FAM171A1: variants seen among roughly 807,000 people sequenced by gnomAD.
FAM171A1 encodes the protein family with sequence similarity 171 member A1, also known as protein FAM171A1.
Under a neutral mutation model 74.9 loss-of-function variants are expected in FAM171A1, and 23 were observed. The ratio of observed to expected loss-of-function variants is 0.31; its 90% CI spans 0.22 to 0.44. FAM171A1 has a LOEUF of 0.44. Ranked by LOEUF, FAM171A1 falls within the 20% of genes least tolerant of loss-of-function variation. The pLI is 1.00. For synonymous variants in FAM171A1, 527 were observed against 505.7 expected (o/e 1.04, Z -0.57); for missense variants, 1,162 against 1,159.2 (o/e 1.00, Z -0.03).
chr10:15,283,928 T>C lies in FAM171A1; in HGVS notation c.275A>G (p.Lys92Arg). ...LGSQLIVTAS[K>R]HAYVPNSAPW... ...GGCAGAGTTTGGCACGTAGGCATGC[T>C]TCGAGGCGGTGACAATCAACTGACT... is the stretch of plus-strand genomic sequence containing the variant. Residue 92 changes from lysine to arginine, a missense_variant, in exon 2 of 8, where the codon AAG becomes AGG. Coordinates refer to ENST00000378116, the MANE Select transcript of FAM171A1 (RefSeq NM_001010924.2). 1 of 1,614,164 alleles carries C rather than the reference T, an allele frequency of 6.2e-7. No homozygotes were observed. Among genetic ancestry groups the C allele is most frequent in the Non-Finnish European group, 8.5e-7 (1 of 1,180,016 alleles).
chr10:15,371,942 TG>T (rs1394133463), upstream of FAM171A1, among the ~76,000 whole-genome samples: 2 of 151,886 alleles, frequency 1.3e-5, no homozygotes, highest in South Asian at 2.1e-4. Context: ...CAGGAACAAG[TG>T]GGGATTTATA....
intron 1 of FAM171A1, among the ~76,000 whole-genome samples, chr10:15,288,905 C>G (rs1564633899): frequency 6.8e-6 from 1 of 147,424 alleles, no homozygotes; most frequent in Non-Finnish European, 1.5e-5. Context: ...TCACTGCAAC[C>G]TCCACTTCCC....
chr10:15,318,344 G>C lies in FAM171A1; in HGVS notation c.98-34239C>G, dbSNP rs1034199917. Among the ~76,000 whole-genome samples the C allele has an allele frequency of 3.3e-5, 5 of 152,146 alleles. No individual in the cohort carries two copies. The East Asian group carries it at 5.8e-4, about 18-fold the overall frequency. On this transcript the variant is annotated intron_variant, in intron 1 of 7. Transcript: ENST00000378116. The stretch of plus-strand genomic sequence containing the variant: ...GCTGAAGTTCTGCTTGGTCCTTCCC[G>C]GAAGGGAAAAGCTACTGAGCTCAGT...
At chr10:15,254,302 C>T (rs986910958) in intron 4 of FAM171A1, among the ~76,000 whole-genome samples, 1 of 152,156 alleles carries the variant, frequency 6.6e-6, no homozygotes, top group Non-Finnish European at 1.5e-5. Context: ...TGGTAAGTCT[C>T]TACCAGCCCC....
rs11817183 is a variant in FAM171A1 at position 15,354,084 on chromosome 10, C to T, written c.97+16872G>A. Among the ~76,000 whole-genome samples the T allele has an allele frequency of 4.4e-3, 668 of 152,302 alleles. 2 individuals are homozygous for T. Among genetic ancestry groups the T allele is most frequent in the African/African-American group, 0.015 (631 of 41,580 alleles). ...GGGACATGGACAGCCCAGGTGTGTG[C>T]CTGCTGAGCTAGTGATTAGAGTGCA... On this transcript the variant is annotated intron_variant, in intron 1 of 7. Coordinates refer to ENST00000378116, the MANE Select transcript of FAM171A1 (RefSeq NM_001010924.2).
intron 1 of FAM171A1, among the ~76,000 whole-genome samples, chr10:15,331,981 GCT>G (rs1410481094): frequency 6.7e-6 from 1 of 149,690 alleles, no homozygotes; most frequent in Non-Finnish European, 1.5e-5. Flanking sequence ...ACAGAGTCTT[GCT>G]CTGTTACCCA....
upstream of FAM171A1, among the ~76,000 whole-genome samples, chr10:15,371,344 G>T (rs970895430): frequency 6.2e-5 from 9 of 145,528 alleles, no homozygotes; most frequent in African/African-American, 2.2e-4. Flanking sequence ...CAGGCCCCGG[G>T]CCCGTGGTGC....
intron 1 of FAM171A1, among the ~76,000 whole-genome samples, chr10:15,284,655 T>C (rs75589810): frequency 0.056 from 8,470 of 152,252 alleles, 295 homozygotes; most frequent in Middle Eastern, 0.078. Flanking sequence ...GCTCAAGCGA[T>C]CTGCCCGCCT....
chr10:15,341,602 C>G (rs1835765026), intron 1 of FAM171A1, among the ~76,000 whole-genome samples: 1 of 152,134 alleles, frequency 6.6e-6, no homozygotes, highest in Non-Finnish European at 1.5e-5. Flanking sequence ...TTAATTAATT[C>G]AATCTGCCTT....
At chr10:15,353,489 C>T (rs367550648) in intron 1 of FAM171A1, among the ~76,000 whole-genome samples, 1 of 152,114 alleles carries the variant, frequency 6.6e-6, no homozygotes, top group Non-Finnish European at 1.5e-5. Flanking sequence ...CCTAAATAGA[C>T]GTATGGCTCT....
chr10:15,232,245 C>A (rs990968408), intron 5 of FAM171A1, among the ~76,000 whole-genome samples: 2 of 152,188 alleles, frequency 1.3e-5, no homozygotes, highest in African/African-American at 2.4e-5. Flanking sequence ...CCGAGATAAG[C>A]CCACGTTAGG....
In FAM171A1 at chr10:15,213,120, C is replaced by A. The variant is rs1163420468; in HGVS notation, c.2468G>T (p.Arg823Ile). The change falls in exon 8 of 8, where the codon AGA (arginine) becomes ATA (isoleucine). Residue 823 changes from arginine to isoleucine, a missense_variant. Coordinates refer to ENST00000378116, the MANE Select transcript of FAM171A1 (RefSeq NM_001010924.2). The surrounding 1 kb of genome is among the most constrained non-coding windows in gnomAD (Gnocchi z 6.8). Reference sequence around the variant, plus strand: ...CAGGCTGGGCAGCTGGCCACCACTTCTCCGACTCGACCCCTCCAACAAGCA... The same window carrying A: ...CAGGCTGGGCAGCTGGCCACCACTTATCCGACTCGACCCCTCCAACAAGCA... The part of the protein sequence containing the change: ...LRCLLEGSSR[R>I]SGGQLPSLQE... 6.2e-7 allele frequency: 1 copy of A among 1,613,912 alleles called. No homozygotes were observed. Among genetic ancestry groups the A allele is most frequent in the South Asian group, 1.1e-5 (1 of 91,048 alleles).
intron 1 of FAM171A1, among the ~76,000 whole-genome samples, chr10:15,285,194 T>C (rs945022714): frequency 3.3e-5 from 5 of 152,102 alleles, no homozygotes; most frequent in African/African-American, 9.7e-5. Flanking sequence ...GGGAACAGCA[T>C]GTGTGGAGGC....
intron 1 of FAM171A1, among the ~76,000 whole-genome samples, chr10:15,290,134 C>T (rs547581554): frequency 1.3e-3 from 197 of 151,928 alleles, no homozygotes; most frequent in Non-Finnish European, 2.4e-3. Flanking sequence ...AGGCTGAGGC[C>T]GGAGAATTGC....
At chr10:15,326,407 T>G (rs1415394176) in intron 1 of FAM171A1, among the ~76,000 whole-genome samples, 1 of 151,662 alleles carries the variant, frequency 6.6e-6, no homozygotes, top group East Asian at 1.9e-4. Flanking sequence ...CTCCACCTCC[T>G]GGGTTCAAGC....
intron 3 of FAM171A1, among the ~76,000 whole-genome samples, chr10:15,259,785 T>C (rs1283463103): frequency 6.6e-6 from 1 of 151,944 alleles, no homozygotes; most frequent in Non-Finnish European, 1.5e-5. Context: ...TCTCATCCTC[T>C]GGCCAAATAG....
At chr10:15,299,577 G>A (rs1443322408) in intron 1 of FAM171A1, among the ~76,000 whole-genome samples, 12 of 151,986 alleles carry the variant, frequency 7.9e-5, no homozygotes, top group Non-Finnish European at 1.6e-4. Context: ...AGATGACGAT[G>A]ATGATGATGA....
intron 3 of FAM171A1, among the ~76,000 whole-genome samples, chr10:15,266,534 T>A (rs1834743609): frequency 6.6e-6 from 1 of 151,378 alleles, no homozygotes; most frequent in Admixed American, 6.6e-5. Context: ...AAACAGAAAC[T>A]GAGGTAGACC....
chr10:15,288,792 T>C (rs954734551), intron 1 of FAM171A1, among the ~76,000 whole-genome samples: 1 of 150,118 alleles, frequency 6.7e-6, no homozygotes, highest in African/African-American at 2.5e-5. Context: ...GAGAACAAAA[T>C]GTCAGTATGA....
Sources: allele counts gnomAD v4.1 joint callset (sites outside exome capture counted in the v4.1 genomes callset), GRCh38; gene constraint gnomAD v4.1.1; non-coding constraint Gnocchi (gnomAD v3.1); transcripts MANE v1.5; gene names NCBI Gene and HGNC (gene_info 2026-07-23, HGNC 2026-07-21).